Variants in PAAF1 observed in about 807,000 individuals in gnomAD.
The protein encoded by PAAF1 is proteasomal ATPase-associated factor 1.
In PAAF1, 46 loss-of-function variants were observed where a neutral mutation model predicts 52.8. The observed-to-expected ratio is 0.87, with a 90% CI of 0.69 to 1.11. PAAF1 has a LOEUF of 1.11. Ranked by LOEUF, PAAF1 falls within the 50% of genes most tolerant of loss-of-function variation. The probability of loss-of-function intolerance (pLI) is 0.00; values close to 1 mark genes in which losing one functional copy is unlikely to be tolerated. For missense variants in PAAF1, 424 were observed against 477.4 expected, an observed-to-expected ratio of 0.89 and a Z score of 1.04; for synonymous variants, 178 against 172.8, an observed-to-expected ratio of 1.03 and a Z score of -0.24.
At chr11:73,924,905 T>G (rs943434376) in intron 11 of PAAF1, among the ~76,000 whole-genome samples, 1 of 151,714 alleles carries the variant, frequency 6.6e-6, no homozygotes, top group South Asian at 2.1e-4. Flanking sequence ...GTAATCCCAG[T>G]ACTTTGGGAG....
At chr11:73,903,810 G>A (rs868605004) in intron 6 of PAAF1, among the ~76,000 whole-genome samples, 2 of 149,438 alleles carry the variant, frequency 1.3e-5, no homozygotes, top group South Asian at 4.3e-4. Flanking sequence ...TTGGCCGGGC[G>A]CAGCGTCTCA....
At chr11:73,901,993 A>G (rs571538701) in intron 6 of PAAF1, among the ~76,000 whole-genome samples, 1 of 150,396 alleles carries the variant, frequency 6.6e-6, no homozygotes, top group South Asian at 2.1e-4. Context: ...CTTCTCAAGT[A>G]GCTGGGATCA....
At chr11:73,910,049 G>T (rs926903488) in intron 7 of PAAF1, among the ~76,000 whole-genome samples, 1 of 152,170 alleles carries the variant, frequency 6.6e-6, no homozygotes, top group Non-Finnish European at 1.5e-5. Context: ...AACATTTAGA[G>T]AACAGTAACA....
chr11:73,912,030 A>C (rs1274810219), intron 7 of PAAF1, among the ~76,000 whole-genome samples: 14 of 150,700 alleles, frequency 9.3e-5, no homozygotes, highest in South Asian at 2.1e-4. Context: ...TCCTCAAAAA[A>C]CTTTTTTTTT....
chr11:73,898,655 G>A (rs1008368976), intron 4 of PAAF1, among the ~76,000 whole-genome samples: 1 of 152,018 alleles, frequency 6.6e-6, no homozygotes, highest in African/African-American at 2.4e-5. Context: ...TGTCTCTACC[G>A]AAAAATACAG....
intron 2 of PAAF1, among the ~76,000 whole-genome samples, chr11:73,882,932 C>T (rs546010542): frequency 6.6e-6 from 1 of 151,336 alleles, no homozygotes; most frequent in African/African-American, 2.4e-5. Context: ...CAGGGTCTTG[C>T]CCTGTTGCCC....
At chr11:73,925,260 C>T (rs943843545) in intron 11 of PAAF1, among the ~76,000 whole-genome samples, 3 of 151,390 alleles carry the variant, frequency 2.0e-5, no homozygotes, top group African/African-American at 7.3e-5. Context: ...AGTTTGAAAC[C>T]AGCCTAGGCA....
intron 6 of PAAF1, among the ~76,000 whole-genome samples, chr11:73,908,277 GTATATATGTA>G (rs1173117115): frequency 2.8e-5 from 4 of 142,734 alleles, no homozygotes; most frequent in Non-Finnish European, 4.5e-5. Flanking sequence ...GTATATATGT[GTATATATGTA>G]TATATATGTG....
rs1199461728 is a variant in PAAF1 at position 73,916,545 on chromosome 11, G to T, written c.820G>T (p.Val274Leu). The change falls in exon 9 of 12, where the codon GTG (valine) becomes TTG (leucine). Residue 274 changes from valine (V) to leucine (L), a missense_variant and splice_region_variant. Transcript: ENST00000310571. Reference sequence around the variant, plus strand: ...ATTTTTGCCTCCTACTTGTTCCCAGGTGTTCCTCTTTATTGGCTCAGACGC... The same window carrying T: ...ATTTTTGCCTCCTACTTGTTCCCAGTTGTTCCTCTTTATTGGCTCAGACGC... The part of the protein sequence containing the change: ...QCLGLQSRQL[V>L]FLFIGSDAFN... 1 of 1,606,684 alleles carries T rather than the reference G, an allele frequency of 6.2e-7. No individual in the cohort carries two copies. Among genetic ancestry groups the T allele is most frequent in the South Asian group, 1.1e-5 (1 of 90,004 alleles).
intron 2 of PAAF1, among the ~76,000 whole-genome samples, chr11:73,884,896 G>A (rs1305377431): frequency 1.4e-5 from 2 of 142,904 alleles, no homozygotes; most frequent in Non-Finnish European, 3.0e-5. Flanking sequence ...GTCTCGCTCT[G>A]TCGCCCAGGC....
rs149954457 is a variant in PAAF1 at position 73,902,894 on chromosome 11, T to A, written c.532+2474T>A. ...TTTTGTATTTTTAGTAGAGACTGGG[T>A]TTCACCATATTGGCCAGGCTGGTCT... On this transcript the variant is annotated intron_variant, in intron 6 of 11. Transcript: ENST00000310571. Among the ~76,000 whole-genome samples the A allele has an allele frequency of 3.9e-5, 6 of 152,206 alleles. No individual in the cohort carries two copies. In the East Asian group the frequency reaches 9.7e-4, roughly 25 times the overall value.
At chr11:73,881,259 A>G (rs541633424) in intron 2 of PAAF1, among the ~76,000 whole-genome samples, 10 of 152,030 alleles carry the variant, frequency 6.6e-5, no homozygotes, top group Non-Finnish European at 1.3e-4. Flanking sequence ...TTTCCCTAAT[A>G]TTTTGCATTT....
intron 10 of PAAF1, among the ~76,000 whole-genome samples, chr11:73,922,593 G>A (rs1400916171): frequency 2.6e-5 from 4 of 151,950 alleles, no homozygotes; most frequent in Admixed American, 1.3e-4. Flanking sequence ...CGAGGCGGGC[G>A]GATCACGAGG....
At chr11:73,897,831 T>G (rs1050544460) in intron 4 of PAAF1, among the ~76,000 whole-genome samples, 5 of 152,094 alleles carry the variant, frequency 3.3e-5, no homozygotes, top group Admixed American at 2.6e-4. Flanking sequence ...CAAGGCAGGC[T>G]GCTGGGAGGT....
intron 3 of PAAF1, 80 bp downstream of exon 3, chr11:73,887,537 A>G: frequency 2.3e-6 from 2 of 879,802 alleles, no homozygotes; most frequent in East Asian, 2.8e-5. Flanking sequence ...TATTTATACT[A>G]TTATCTGTGT....
At chr11:73,880,617 G>GC (rs1235892123) in intron 2 of PAAF1, 1 of 148,572 alleles carries the variant, frequency 6.7e-6, no homozygotes, top group Non-Finnish European at 1.5e-5. Context: ...AACCCGGGAG[G>GC]CGGGGCTTGC....
intron 4 of PAAF1, among the ~76,000 whole-genome samples, chr11:73,895,740 C>T (rs1365828007): frequency 6.6e-6 from 1 of 152,162 alleles, no homozygotes; most frequent in Non-Finnish European, 1.5e-5. Context: ...TAAAAGTGTA[C>T]ATGTATGCAT....
rs764094069 is a variant in PAAF1, at chr11:73,924,647, T to TTA, written c.1052_1053dup (p.Asp352Ter). The TTA allele has an allele frequency of 1.2e-6, 2 of 1,614,078 alleles. No homozygotes were observed. The highest frequency in any genetic ancestry group is 3.3e-5 in the Admixed American group (2 of 60,020). ...AAGCTGTTTTATTGTCCAGCAAGAC[T>TTA]TAGACTATGTCACTGAGCTCACTGG... On this transcript the variant is annotated frameshift_variant, in exon 11 of 12. Coordinates refer to ENST00000310571, the MANE Select transcript of PAAF1 (RefSeq NM_025155.3). LOFTEE classifies it high-confidence loss of function.
chr11:73,889,802 A>G (rs201188947), intron 3 of PAAF1, among the ~76,000 whole-genome samples: 1 of 152,238 alleles, frequency 6.6e-6, no homozygotes, highest in African/African-American at 2.4e-5. Flanking sequence ...TCTTGCAGCT[A>G]TATGGGCTTT....
Sources: allele counts gnomAD v4.1 joint callset (sites outside exome capture counted in the v4.1 genomes callset), GRCh38; gene constraint gnomAD v4.1.1; transcripts MANE v1.5; gene names NCBI Gene and HGNC (gene_info 2026-07-23, HGNC 2026-07-21).